The following PIBF1 variants were observed in gnomAD, a reference collection of about 807,000 sequenced individuals.
PIBF1 encodes progesterone-induced-blocking factor 1.
Under a neutral mutation model 112.5 loss-of-function variants are expected in PIBF1, and 90 were observed. The observed-to-expected ratio is 0.80, with a 90% confidence interval of 0.67 to 0.95. PIBF1 has a LOEUF of 0.95. Among genes scored for constraint, PIBF1 ranks in the 40% least tolerant of loss-of-function variants. The pLI, the probability that PIBF1 is intolerant of heterozygous loss-of-function variation, is 0.00. For missense variants in PIBF1, 915 were observed against 852.3 expected, an observed-to-expected ratio of 1.07 and a Z score of -0.92; for synonymous variants, 301 against 288.6, an observed-to-expected ratio of 1.04 and a Z score of -0.44.
At chr13:72,783,772 G>A (rs777694683) in intron 2 of PIBF1, 51 bp downstream of exon 2, 59 of 1,508,702 alleles carry the variant, frequency 3.9e-5, no homozygotes, top group Non-Finnish European at 4.9e-5. Context: ...GTCTTCAAAC[G>A]GCAGGTAAAT....
At position 72,805,562 on chromosome 13, in the gene PIBF1, A is replaced by C. The variant is rs974042750; in HGVS notation, c.672+7536A>C. 1.8e-4 allele frequency among the ~76,000 whole-genome samples: 28 copies of C among 152,232 alleles called. 1 individual carries two copies. The highest frequency in any genetic ancestry group is 2.9e-4 in the Non-Finnish European group (20 of 68,040). ...TCAACTCATACTTATTTAAGGTTGGATATTTTAAGATAAACAACATTAGTC... is the reference window on the plus strand; with the variant it reads ...TCAACTCATACTTATTTAAGGTTGGCTATTTTAAGATAAACAACATTAGTC... On this transcript the variant is annotated intron_variant, in intron 5 of 17. Transcript: ENST00000326291.
intron 8 of PIBF1, among the ~76,000 whole-genome samples, chr13:72,831,784 A>G (rs2138185731): frequency 6.6e-6 from 1 of 152,240 alleles, no homozygotes; most frequent in East Asian, 1.9e-4. Flanking sequence ...ATCTGAGTTC[A>G]AGTCCTGAAT....
rs386363749 is a variant in PIBF1 at position 72,876,134 on chromosome 13, C to CTTTTTTTTTT, written c.1323-17640_1323-17631dup. On this transcript the variant is annotated intron_variant, in intron 10 of 17. Coordinates refer to ENST00000326291, the MANE Select transcript of PIBF1 (RefSeq NM_006346.4). ...AAAGGTGTAAGTCTGTGTTCAGATTCTTTTTTTTTTTTTTTTTTTGCATGT... is the reference window on the plus strand; with the variant it reads ...AAAGGTGTAAGTCTGTGTTCAGATTCTTTTTTTTTTTTTTTTTTTTTTTTTTTTTGCATGT... Among the ~76,000 whole-genome samples, 443 of 91,178 alleles carry CTTTTTTTTTT rather than the reference C, an allele frequency of 4.9e-3. 4 individuals carry two copies. The highest frequency in any genetic ancestry group is 0.014 in the Middle Eastern group (1 of 74). 59.8% of individuals were successfully genotyped at this position (91,178 alleles called of 152,430 possible).
chr13:72,998,003 G>T (rs549570596), intron 16 of PIBF1, among the ~76,000 whole-genome samples: 4 of 152,036 alleles, frequency 2.6e-5, no homozygotes, highest in Non-Finnish European at 1.5e-5. Context: ...TAGTTCAAAG[G>T]GCAACTGAAG....
chr13:72,910,115 A>T (rs1022742387), intron 12 of PIBF1, among the ~76,000 whole-genome samples: 3 of 152,166 alleles, frequency 2.0e-5, no homozygotes, highest in African/African-American at 7.2e-5. Context: ...ATTTACTTGT[A>T]GGCCAAATGT....
At chr13:72,814,838 A>G (rs2036191703) in intron 5 of PIBF1, among the ~76,000 whole-genome samples, 1 of 152,242 alleles carries the variant, frequency 6.6e-6, no homozygotes, top group South Asian at 2.1e-4. Context: ...ACATGAAGTA[A>G]GGGAAAATAC....
intron 16 of PIBF1, among the ~76,000 whole-genome samples, chr13:72,975,209 C>A (rs1281523425): frequency 2.0e-5 from 3 of 151,936 alleles, no homozygotes. Flanking sequence ...GTGCATGCCA[C>A]CATGCCATCT....
intron 5 of PIBF1, among the ~76,000 whole-genome samples, chr13:72,811,589 C>T: frequency 1.1e-5 from 1 of 87,368 alleles, no homozygotes; most frequent in Non-Finnish European, 2.2e-5. Flanking sequence ...GAACAAAACT[C>T]CGTCTCAAAA....
intron 11 of PIBF1, among the ~76,000 whole-genome samples, chr13:72,907,078 T>C (rs1299064865): frequency 6.6e-6 from 1 of 152,066 alleles, no homozygotes; most frequent in Non-Finnish European, 1.5e-5. Context: ...AAAACACACA[T>C]TTTGTTTTTT....
At chr13:72,875,907 G>T (rs2039376125) in intron 10 of PIBF1, among the ~76,000 whole-genome samples, 1 of 151,938 alleles carries the variant, frequency 6.6e-6, no homozygotes, top group African/African-American at 2.4e-5. Context: ...TTCTCTTGAT[G>T]GTGTCTTTCA....
chr13:72,986,560 C>T (rs1297858453), intron 16 of PIBF1, among the ~76,000 whole-genome samples: 1 of 152,054 alleles, frequency 6.6e-6, no homozygotes, highest in Non-Finnish European at 1.5e-5. Context: ...TTAGTTATGT[C>T]CCGGAGGCTG....
At chr13:72,893,693 G>A (rs983746170) in intron 10 of PIBF1, 91 bp from the exon 11 acceptor site, 4 of 663,852 alleles carry the variant, frequency 6.0e-6, no homozygotes, top group East Asian at 3.1e-5. Flanking sequence ...ACAAATATGG[G>A]GGAGTAGAAA....
At chr13:72,895,842 C>T (rs1172861377) in intron 11 of PIBF1, among the ~76,000 whole-genome samples, 3 of 152,052 alleles carry the variant, frequency 2.0e-5, no homozygotes, top group East Asian at 3.9e-4. Context: ...GGAAGACACC[C>T]CAAATACTCT....
chr13:72,900,994 C>A (rs1241741116), intron 11 of PIBF1: 1 of 396,770 alleles, frequency 2.5e-6, no homozygotes, highest in Non-Finnish European at 5.0e-6. Context: ...TCCGCTGCAC[C>A]CTGGGCAACC....
intron 10 of PIBF1, among the ~76,000 whole-genome samples, chr13:72,888,097 A>G (rs1038315241): frequency 1.3e-5 from 2 of 152,114 alleles, no homozygotes; most frequent in Non-Finnish European, 2.9e-5. Flanking sequence ...ATTCAGAGTA[A>G]AGCCCATTGA....
chr13:72,893,810 A>T lies in PIBF1; in HGVS notation c.1349A>T (p.Glu450Val), dbSNP rs2040152383. ...DRYRELQLSTESKVTEFLHQS... is the reference protein window; with the variant it reads ...DRYRELQLSTVSKVTEFLHQS... Reference sequence around the variant, plus strand: ...TACAGAGAACTACAACTTAGTACAGAAAGCAAAGTAACAGAATTTCTCCAT... The same window carrying T: ...TACAGAGAACTACAACTTAGTACAGTAAGCAAAGTAACAGAATTTCTCCAT... Residue 450 changes from glutamate to valine, a missense_variant, in exon 11 of 18, where the codon GAA (glutamate) becomes GTA (valine). Coordinates refer to ENST00000326291, the MANE Select transcript of PIBF1 (RefSeq NM_006346.4). The T allele has an allele frequency of 6.2e-7, 1 of 1,602,188 alleles. No homozygotes were observed. The highest frequency in any genetic ancestry group is 1.7e-5 in the Admixed American group (1 of 58,382).
rs573972689 is a variant in PIBF1, at chr13:72,892,199, C to T, written c.1323-1585C>T. Among the ~76,000 whole-genome samples the T allele has an allele frequency of 2.0e-4, 30 of 152,060 alleles. 1 individual carries two copies. In the Middle Eastern group the frequency reaches 0.01, roughly 52 times the overall value. ...AATTATGTCTCAGTAAAAAATTTAT[C>T]AGTGTTTGTTTTTCTATATAAAAAG... is the stretch of plus-strand genomic sequence containing the variant. On this transcript the variant is annotated intron_variant, in intron 10 of 17. Coordinates refer to ENST00000326291, the MANE Select transcript of PIBF1 (RefSeq NM_006346.4).
At chr13:72,872,982 A>G (rs990080858) in intron 10 of PIBF1, among the ~76,000 whole-genome samples, 3 of 152,322 alleles carry the variant, frequency 2.0e-5, no homozygotes, top group Non-Finnish European at 4.4e-5. Context: ...ATGTTCATAG[A>G]TTTGAACACT....
chr13:72,862,747 T>C (rs942021388), intron 10 of PIBF1, among the ~76,000 whole-genome samples: 4 of 152,120 alleles, frequency 2.6e-5, no homozygotes, highest in African/African-American at 7.2e-5. Flanking sequence ...ATGAAACATA[T>C]TACCTATAAG....
Sources: allele counts gnomAD v4.1 joint callset (sites outside exome capture counted in the v4.1 genomes callset), GRCh38; gene constraint gnomAD v4.1.1; transcripts MANE v1.5; gene names NCBI Gene and HGNC (gene_info 2026-07-23, HGNC 2026-07-21).